The following DDX3X variants were observed in gnomAD, a reference collection of about 807,000 sequenced individuals.
DDX3X encodes ATP-dependent RNA helicase DDX3X.
In DDX3X, 4 loss-of-function variants were observed where a neutral mutation model predicts 52.7. That is an observed-to-expected ratio of 0.08 (90% CI 0.04 to 0.17). DDX3X has a LOEUF of 0.17. DDX3X is among the 10% of genes least tolerant of loss of function. The pLI is 1.00. For missense variants in DDX3X, 222 were observed against 548.6 expected, an observed-to-expected ratio of 0.40 and a Z score of 5.95; for synonymous variants, 192 against 178.1, an observed-to-expected ratio of 1.08 and a Z score of -0.62.
At chrX:41,338,888 AT>A (rs1306589616) in intron 2 of DDX3X, 147 bp from the exon 3 acceptor site, 115 of 202,459 alleles carry the variant, frequency 5.7e-4, no homozygotes, top group Non-Finnish European at 8.8e-4. Context: ...TTAGATTCTT[AT>A]TTTTCCCCCC....
intron 4 of DDX3X, 92 bp from the exon 5 acceptor site, chrX:41,342,403 A>G: frequency 3.0e-6 from 3 of 1,009,820 alleles, no homozygotes; most frequent in Non-Finnish European, 4.1e-6. Flanking sequence ...GGTTAGCCAT[A>G]ACTTAAGTCT....
Position 41,359,146 on chromosome X carries a change from C to G in DDX3X, c.655-5128C>G, listed in dbSNP as rs758136340. On this transcript the variant is annotated intron_variant, in intron 5 of 5. Transcript: ENST00000616050. ...TCAGTGTCACAAATACTCTTTGCGT[C>G]TAAGAAACATGCTTTCTTGGAAGCA... is the stretch of plus-strand genomic sequence containing the variant. Among the ~76,000 whole-genome samples the G allele has an allele frequency of 9.7e-4, 109 of 112,546 alleles. 1 individual carries two copies. Among genetic ancestry groups the G allele is most frequent in the African/African-American group, 3.5e-3 (108 of 31,082 alleles).
At chrX:41,350,523 T>A (rs1256155784), downstream of DDX3X, 1 of 111,902 alleles carries the variant, frequency 8.9e-6, no homozygotes, top group African/African-American at 3.3e-5. Flanking sequence ...TTCTTTGAAG[T>A]ATCTATTATG....
chrX:41,334,481 C>G, intron 1 of DDX3X, 184 bp downstream of exon 1: 4 of 1,096,116 alleles, frequency 3.6e-6, no homozygotes, highest in Non-Finnish European at 4.8e-6. Flanking sequence ...TCGCCCGGGC[C>G]CGGTCTCGGC....
At chrX:41,355,054 C>T (rs767944269), downstream of DDX3X, among the ~76,000 whole-genome samples, 196 of 111,102 alleles carry the variant, frequency 1.8e-3, no homozygotes, top group African/African-American at 5.9e-3. Flanking sequence ...GTCCTGACCT[C>T]GGGTGATCCG....
At position 41,362,558 on chromosome X, in the gene DDX3X, T is replaced by G. The variant is rs954127401; in HGVS notation, c.655-1716T>G. Among the ~76,000 whole-genome samples, 8 of 111,916 alleles carry G rather than the reference T, an allele frequency of 7.1e-5. No homozygotes were observed. The East Asian group carries it at 2.2e-3, about 31-fold the overall frequency. The stretch of plus-strand genomic sequence containing the variant: ...TCCTTAACTGCGCCAAGTTCATCCT[T>G]TCTGCTGGAACCTCCTTTCTTCACA... On this transcript the variant is annotated intron_variant, in intron 5 of 5. Coordinates refer to the DDX3X transcript ENST00000616050.
At chrX:41,336,404 A>T (rs1421550858) in intron 1 of DDX3X, 1 of 111,767 alleles carries the variant, frequency 8.9e-6, no homozygotes, top group East Asian at 2.8e-4. Flanking sequence ...AAGATGTCCT[A>T]CTCTTTAAGA....
At chrX:41,343,648 ATTAG>A in intron 7 of DDX3X, 85 bp from the exon 8 acceptor site, 2 of 829,781 alleles carry the variant, frequency 2.4e-6, no homozygotes, top group Non-Finnish European at 3.5e-6. Context: ...AGTACTAATT[ATTAG>A]TAATAGGGTA....
intron 1 of DDX3X, chrX:41,335,855 C>T (rs2063759855): frequency 1.8e-5 from 2 of 111,923 alleles, no homozygotes; most frequent in African/African-American, 6.5e-5. Context: ...TTACCATTTT[C>T]CATTTAGCTA....
downstream of DDX3X, among the ~76,000 whole-genome samples, chrX:41,353,201 C>G (rs2063995756): frequency 9.2e-6 from 1 of 108,907 alleles, no homozygotes. Context: ...CGCCTGTAAT[C>G]CCAGCACTTT....
intron 5 of DDX3X, chrX:41,358,065 CTTTTTTTTTTTTTTTTT>C: frequency 4.5e-4 from 21 of 46,337 alleles, no homozygotes; most frequent in Middle Eastern, 0.019. Context: ...GATAGACACT[CTTTTTTTTTTTTTTTTT>C]TTTTTTTTTT....
chrX:41,344,511 C>T, intron 10 of DDX3X, 112 bp downstream of exon 10: 1 of 903,177 alleles, frequency 1.1e-6, no homozygotes, highest in Non-Finnish European at 1.6e-6. Flanking sequence ...GATCTCGGCT[C>T]ACCACAACCT....
intron 8 of DDX3X, 38 bp from the exon 9 acceptor site, chrX:41,343,992 G>A (rs774779977): frequency 9.1e-6 from 10 of 1,098,925 alleles, no homozygotes; most frequent in East Asian, 3.1e-5. Context: ...TTCAAACAGG[G>A]TAGGTAGAGT....
downstream of DDX3X, among the ~76,000 whole-genome samples, chrX:41,353,297 C>CAAAA (rs61067509): frequency 9.6e-4 from 44 of 45,997 alleles, 1 homozygote; most frequent in Admixed American, 7.7e-3. Context: ...ACTAAAAATA[C>CAAAA]AAAAAAAAAA....
chrX:41,362,826 C>T (rs1248858418), intron 5 of DDX3X, among the ~76,000 whole-genome samples: 1 of 111,762 alleles, frequency 8.9e-6, no homozygotes, highest in East Asian at 2.8e-4. Flanking sequence ...AGGTCAAGGA[C>T]AGCCTGTGCT....
downstream of DDX3X, chrX:41,350,653 G>A (rs2063977132): frequency 9.0e-6 from 1 of 111,437 alleles, no homozygotes; most frequent in South Asian, 3.7e-4. Context: ...CAGGTGTGAT[G>A]ATTACATAGT....
Position 41,360,882 on chromosome X carries a change from G to C in DDX3X, c.655-3392G>C, listed in dbSNP as rs372207765. 2.8e-5 allele frequency among the ~76,000 whole-genome samples: 3 copies of C among 108,284 alleles called. No homozygotes were observed. In the South Asian group the frequency reaches 1.2e-3, roughly 44 times the overall value. The allele number at this position is 108,284 out of a possible 115,157, so 94.0% of individuals were successfully genotyped here. On this transcript the variant is annotated intron_variant, in intron 5 of 5. Transcript: ENST00000616050. The stretch of plus-strand genomic sequence containing the variant: ...CTTAATATCACCCATCTTTGTTTGG[G>C]GGGGGCACAGTTGGGGTATAGGGTC...
At chrX:41,335,258 C>CG (rs1480215731) in intron 1 of DDX3X, 2 of 110,906 alleles carry the variant, frequency 1.8e-5, no homozygotes, top group East Asian at 5.7e-4. Flanking sequence ...GAGGGGTCAT[C>CG]GCGGGTTGTG....
downstream of DDX3X, among the ~76,000 whole-genome samples, chrX:41,353,671 T>G (rs1351488955): frequency 9.3e-6 from 1 of 107,006 alleles, no homozygotes; most frequent in African/African-American, 3.4e-5. Flanking sequence ...CTTGGGAAGC[T>G]GAGGCAGGAG....
Sources: allele counts gnomAD v4.1 joint callset (sites outside exome capture counted in the v4.1 genomes callset), GRCh38; gene constraint gnomAD v4.1.1; transcripts MANE v1.5; gene names NCBI Gene and HGNC (gene_info 2026-07-23, HGNC 2026-07-21).